Variants in AP1S2 observed in about 807,000 individuals in gnomAD.
AP1S2 encodes adaptor related protein complex 1 subunit sigma 2.
In AP1S2, 1 loss-of-function variant was observed where a neutral mutation model predicts 14.3. That is an observed-to-expected ratio of 0.07 (90% CI 0.02 to 0.33). AP1S2 has a LOEUF of 0.33. AP1S2 is among the 10% of genes least tolerant of loss of function. The probability of loss-of-function intolerance (pLI) is 0.99; values close to 1 mark genes in which losing one functional copy is unlikely to be tolerated. For synonymous variants in AP1S2, 30 were observed against 40.5 expected (o/e 0.74, Z 0.99); for missense variants, 30 against 117.7 (o/e 0.25, Z 3.45).
intron 4 of AP1S2, among the ~76,000 whole-genome samples, chrX:15,841,888 G>A (rs757938668): frequency 5.4e-5 from 6 of 111,985 alleles, no homozygotes; most frequent in Non-Finnish European, 1.1e-4. Flanking sequence ...AGTGCACAGT[G>A]GTTAAGATTT....
intron 4 of AP1S2, chrX:15,845,095 C>T: frequency 4.0e-6 from 3 of 754,168 alleles, no homozygotes; most frequent in Non-Finnish European, 4.7e-6. Flanking sequence ...TTCCCTTCTT[C>T]AAATAGTCTG....
chrX:15,839,110 T>G (rs917422350), intron 4 of AP1S2, among the ~76,000 whole-genome samples: 3 of 112,113 alleles, frequency 2.7e-5, no homozygotes, highest in Non-Finnish European at 3.8e-5. Context: ...GCCCTTCCTT[T>G]CAAGCACTTC....
In AP1S2 at chrX:15,850,432, G is replaced by A. The variant is rs146903987; in HGVS notation, c.179+1914C>T. Reference sequence around the variant, plus strand: ...AGTGGCCCAATCAGGGCTCAGTGCAGGCTTGAACTCCCAGGCACAATCAAT... The same window carrying A: ...AGTGGCCCAATCAGGGCTCAGTGCAAGCTTGAACTCCCAGGCACAATCAAT... On this transcript the variant is annotated intron_variant, in intron 2 of 5. Coordinates refer to ENST00000672987, the MANE Select transcript of AP1S2 (RefSeq NM_001272071.2). 9.7e-3 allele frequency among the ~76,000 whole-genome samples: 1,068 copies of A among 110,180 alleles called. 19 individuals carry two copies. Among genetic ancestry groups the A allele is most frequent in the African/African-American group, 0.033 (1,000 of 30,190 alleles).
At chrX:15,851,605 A>C (rs1934180830) in intron 2 of AP1S2, among the ~76,000 whole-genome samples, 2 of 112,619 alleles carry the variant, frequency 1.8e-5, no homozygotes, top group Admixed American at 1.9e-4. Flanking sequence ...TACTTAGAAC[A>C]ATCTTGAGAA....
chrX:15,827,053 A>T lies in AP1S2; in HGVS notation c.*272T>A. 5.6e-6 allele frequency: 2 copies of T among 355,610 alleles called. No individual in the cohort carries two copies. Among genetic ancestry groups the T allele is most frequent in the Non-Finnish European group, 9.9e-6 (2 of 201,379 alleles). The allele number at this position is 355,610 out of a possible 1,213,427, so 29.3% of individuals were successfully genotyped here. The stretch of plus-strand genomic sequence containing the variant: ...ATGTGCCATTTTCATATGTGCACAT[A>T]ATCAGATTAAGAGAAACTGACCTTT... On this transcript the variant is annotated 3_prime_UTR_variant, in exon 6 of 6. Transcript: ENST00000672987.
rs769643439 is a variant in AP1S2, at chrX:15,846,691, T to C, written c.180-680A>G. ...GTTTCTAGGATTGCAGAATAAACCA[T>C]ACGAAAAGAACAACAGCTCCACGTT... On this transcript the variant is annotated intron_variant, in intron 2 of 5. Transcript: ENST00000672987. 2.7e-5 allele frequency among the ~76,000 whole-genome samples: 3 copies of C among 111,676 alleles called. No individual in the cohort carries two copies. In the East Asian group the frequency reaches 8.4e-4, roughly 31 times the overall value.
intron 4 of AP1S2, among the ~76,000 whole-genome samples, chrX:15,841,224 T>C (rs1156314526): frequency 3.6e-5 from 4 of 111,523 alleles, no homozygotes; most frequent in Admixed American, 9.6e-5. Flanking sequence ...AAGAGAAATT[T>C]TTTTTTAATT....
chrX:15,841,221 A>T (rs1012672562), intron 4 of AP1S2, among the ~76,000 whole-genome samples: 5 of 110,939 alleles, frequency 4.5e-5, no homozygotes, highest in Non-Finnish European at 9.5e-5. Context: ...GGTAAGAGAA[A>T]TTTTTTTTTA....
At chrX:15,850,357 G>A (rs4830998) in intron 2 of AP1S2, among the ~76,000 whole-genome samples, 26,111 of 108,880 alleles carry the variant, frequency 0.24, 2,339 homozygotes, top group East Asian at 0.35. Context: ...TGCTCTCTCC[G>A]CTTTGTTGTT....
At position 15,833,335 on chromosome X, in the gene AP1S2, A is replaced by G. The variant is rs186400066; in HGVS notation, c.427-5135T>C. 9.0e-5 allele frequency: 77 copies of G among 860,030 alleles called. No individual in the cohort carries two copies. The African/African-American group carries it at 1.6e-3, about 18-fold the overall frequency. The allele number at this position is 860,030 out of a possible 1,213,427, so 70.9% of individuals were successfully genotyped here. A position where few individuals can be genotyped will look rare whatever the true frequency, so the allele number is the denominator to read the frequency against. ...GACCACCCAGGCATTTCCACCACTT[A>G]TACCCTGACACACCTTTTACTGCTT... On this transcript the variant is annotated intron_variant, in intron 4 of 5. Coordinates refer to ENST00000672987, the MANE Select transcript of AP1S2 (RefSeq NM_001272071.2).
chrX:15,846,693 C>T (rs1009946607), intron 2 of AP1S2, among the ~76,000 whole-genome samples: 13 of 111,757 alleles, frequency 1.2e-4, no homozygotes, highest in African/African-American at 4.2e-4. Context: ...ATAAACCATA[C>T]GAAAAGAACA....
chrX:15,850,650 A>G (rs1246260048), intron 2 of AP1S2, among the ~76,000 whole-genome samples: 1 of 109,480 alleles, frequency 9.1e-6, no homozygotes, highest in African/African-American at 3.3e-5. Context: ...GAGGTGACCA[A>G]GTCTTATCAA....
intron 4 of AP1S2, among the ~76,000 whole-genome samples, chrX:15,839,242 CT>C (rs1933750708): frequency 8.9e-6 from 1 of 111,767 alleles, no homozygotes; most frequent in Non-Finnish European, 1.9e-5. Flanking sequence ...GTCTTGTTAA[CT>C]TTAAAAGAGG....
intron 4 of AP1S2, among the ~76,000 whole-genome samples, chrX:15,843,963 G>A (rs1392090196): frequency 8.9e-6 from 1 of 111,953 alleles, no homozygotes; most frequent in African/African-American, 3.2e-5. Flanking sequence ...TACACACAAG[G>A]CAAAAGGTCT....
chrX:15,839,220 TAA>T (rs1569082854), intron 4 of AP1S2, among the ~76,000 whole-genome samples: 1 of 112,024 alleles, frequency 8.9e-6, no homozygotes, highest in East Asian at 2.8e-4. Flanking sequence ...ACGCTGGCAA[TAA>T]AAGACTATAG....
chrX:15,826,272 G>C lies in AP1S2; in HGVS notation c.*1053C>G, dbSNP rs1291230688. ...CAATTACATAGCTTTAAAAAATATAGAGCCATCTAATGCCATTTTACCTCA... is the reference window on the plus strand; with the variant it reads ...CAATTACATAGCTTTAAAAAATATACAGCCATCTAATGCCATTTTACCTCA... On this transcript the variant is annotated 3_prime_UTR_variant, in exon 6 of 6. Transcript: ENST00000672987. The C allele has an allele frequency of 8.9e-6, 1 of 112,131 alleles. No individual in the cohort carries two copies. Among genetic ancestry groups the C allele is most frequent in the Non-Finnish European group, 1.9e-5 (1 of 53,221 alleles). The allele number at this position is 112,131 out of a possible 1,213,427, so 9.2% of individuals were successfully genotyped here.
intron 4 of AP1S2, among the ~76,000 whole-genome samples, chrX:15,836,017 A>G (rs987914255): frequency 1.8e-5 from 2 of 110,974 alleles, no homozygotes; most frequent in African/African-American, 6.5e-5. Context: ...GTATCCTTCC[A>G]TATCATTACA....
chrX:15,833,727 A>G (rs1298842173), intron 4 of AP1S2, among the ~76,000 whole-genome samples: 2 of 111,936 alleles, frequency 1.8e-5, no homozygotes, highest in Non-Finnish European at 3.8e-5. Context: ...AGATACAAAG[A>G]AAGTAGATTC....
In AP1S2 at chrX:15,854,681, G is replaced by A. The variant is rs1934288433; in HGVS notation, c.-1+7C>T. The A allele has an allele frequency of 2.7e-6, 2 of 734,585 alleles. No homozygotes were observed. The highest frequency in any genetic ancestry group is 7.7e-4 in the Middle Eastern group (1 of 1,303). The allele number at this position is 734,585 out of a possible 1,213,427, so 60.5% of individuals were successfully genotyped here. The stretch of plus-strand genomic sequence containing the variant: ...CCCGGCGCCCCCTTTCGCCCCCAGG[G>A]ACTTACGGCGGCCGCGGGCCGCGGG... On this transcript the variant is annotated splice_region_variant and intron_variant, in intron 1 of 5. Coordinates refer to ENST00000672987, the MANE Select transcript of AP1S2 (RefSeq NM_001272071.2).
Sources: allele counts gnomAD v4.1 joint callset (sites outside exome capture counted in the v4.1 genomes callset), GRCh38; gene constraint gnomAD v4.1.1; transcripts MANE v1.5; gene names NCBI Gene and HGNC (gene_info 2026-07-23, HGNC 2026-07-21).